The following VPS54 variants were observed in gnomAD, a reference collection of about 807,000 sequenced individuals.
VPS54 encodes VPS54 subunit of GARP complex.
In VPS54, 45 loss-of-function variants were observed where a neutral mutation model predicts 121.5. That is an observed-to-expected ratio of 0.37 (90% CI 0.29 to 0.47). The LOEUF (loss-of-function observed/expected upper bound fraction) is 0.47, where lower values mean the gene tolerates loss of function less well. VPS54 is among the 20% of genes least tolerant of loss of function. VPS54 has a pLI of 0.99. For synonymous variants in VPS54, 371 were observed against 385.8 expected, an observed-to-expected ratio of 0.96 and a Z score of 0.45; for missense variants, 1,090 against 1,131.4, an observed-to-expected ratio of 0.96 and a Z score of 0.52.
At chr2:63,953,144 T>G (rs1432764894) in intron 7 of VPS54, among the ~76,000 whole-genome samples, 5 of 148,072 alleles carry the variant, frequency 3.4e-5, no homozygotes, top group Non-Finnish European at 7.5e-5. Context: ...TTTTTTTTTT[T>G]TTTTTTAGAC....
At chr2:64,016,486 G>A (rs1346876389) in intron 1 of VPS54, among the ~76,000 whole-genome samples, 2 of 152,168 alleles carry the variant, frequency 1.3e-5, no homozygotes, top group Admixed American at 6.5e-5. Flanking sequence ...TGGGGGTGGG[G>A]TGAAGAGAAT....
chr2:63,983,791 T>G lies in VPS54; in HGVS notation c.136+73A>C, dbSNP rs2104619932. On this transcript the variant is annotated intron_variant, in intron 2 of 22. Transcript: ENST00000272322. ...AAAATTTACTCTTCTAACGTTGGTA[T>G]ATAAAACCTGACTACTCATTTAAAG... The G allele has an allele frequency of 2.0e-6, 3 of 1,499,704 alleles. No homozygotes were observed. In the East Asian group the frequency reaches 6.9e-5, roughly 35 times the overall value. 92.9% of individuals were successfully genotyped at this position (1,499,704 alleles called of 1,614,324 possible). A position where few individuals can be genotyped will look rare whatever the true frequency, so the allele number is the denominator to read the frequency against.
chr2:63,938,675 G>T (rs922996611), intron 11 of VPS54, among the ~76,000 whole-genome samples: 1 of 152,106 alleles, frequency 6.6e-6, no homozygotes, highest in African/African-American at 2.4e-5. Flanking sequence ...ATGTTGGCCC[G>T]GCTGGTCTCA....
At chr2:63,979,407 T>A (rs1293887753) in intron 3 of VPS54, among the ~76,000 whole-genome samples, 1 of 151,818 alleles carries the variant, frequency 6.6e-6, no homozygotes, top group African/African-American at 2.4e-5. Flanking sequence ...GCCTGGCTAA[T>A]TTTTTTGTAT....
chr2:63,949,092 T>G lies in VPS54; in HGVS notation c.1082A>C (p.Tyr361Ser). The G allele has an allele frequency of 6.2e-7, 1 of 1,611,930 alleles. No homozygotes were observed. The highest frequency in any genetic ancestry group is 1.1e-5 in the South Asian group (1 of 90,824). ...TGGTCTATTTAAGTCACTGTGAGAA[T>G]AAGTAGAAAATTCTGCAATCATCAT... ...DKMMIAEFST[Y>S]SHSDLNRPLE... Residue 361 changes from tyrosine (Y) to serine (S), a missense_variant, in exon 8 of 23, where the codon TAT (tyrosine) becomes TCT (serine). Physicochemically the swap from Tyr to Ser is moderately radical, Grantham distance 144. Coordinates refer to ENST00000272322, the MANE Select transcript of VPS54 (RefSeq NM_016516.3).
At chr2:63,920,929 A>T (rs59066671) in intron 13 of VPS54, among the ~76,000 whole-genome samples, 1 of 152,132 alleles carries the variant, frequency 6.6e-6, no homozygotes, top group Non-Finnish European at 1.5e-5. Flanking sequence ...GACTTACTAT[A>T]TATGTAAAAC....
intron 2 of VPS54, among the ~76,000 whole-genome samples, chr2:63,982,270 G>A (rs961746291): frequency 2.6e-5 from 4 of 151,194 alleles, no homozygotes; most frequent in Admixed American, 6.6e-5. Flanking sequence ...CTGTTTTTTA[G>A]AGGTAGGCCT....
At chr2:63,935,499 T>C (rs1268962495) in intron 11 of VPS54, among the ~76,000 whole-genome samples, 1 of 152,166 alleles carries the variant, frequency 6.6e-6, no homozygotes, top group Non-Finnish European at 1.5e-5. Flanking sequence ...TTTGCGTCTT[T>C]TTCCTTATCT....
chr2:63,942,268 T>TATATATATATTTTAA (rs1559009535), intron 11 of VPS54, among the ~76,000 whole-genome samples, 197 bp downstream of exon 11: 3 of 152,050 alleles, frequency 2.0e-5, no homozygotes, highest in Admixed American at 1.3e-4. Context: ...AGTTATAAAA[T>TATATATATATTTTAA]TATAACTTAT....
intron 18 of VPS54, among the ~76,000 whole-genome samples, chr2:63,912,972 A>T (rs968749165): frequency 2.6e-5 from 4 of 152,148 alleles, no homozygotes; most frequent in African/African-American, 9.6e-5. Flanking sequence ...TATACACATT[A>T]TATCTTAATA....
chr2:63,962,473 T>C, intron 6 of VPS54, 30 bp from the exon 7 acceptor site: 1 of 1,567,090 alleles, frequency 6.4e-7, no homozygotes, highest in Non-Finnish European at 8.6e-7. Context: ...AAATATGAAG[T>C]ACTATGAGCA....
chr2:63,970,919 T>C (rs1446587193), intron 4 of VPS54, among the ~76,000 whole-genome samples: 1 of 152,184 alleles, frequency 6.6e-6, no homozygotes, highest in Admixed American at 6.5e-5. Context: ...TGATGATGTC[T>C]ACCATACCTA....
chr2:64,002,093 G>A (rs1677909861), intron 1 of VPS54, among the ~76,000 whole-genome samples: 3 of 152,198 alleles, frequency 2.0e-5, no homozygotes, highest in Admixed American at 2.0e-4. Context: ...GGCATCAGCT[G>A]AGTTCACCCT....
In VPS54 at chr2:64,019,108, G is replaced by A. The variant is rs1214273931; in HGVS notation, c.-191C>T. ...CGCGCCCGCTGGCCAGTCGGCCCGG[G>A]GAGCACAGGGCCGCCCTCTCGAGCC... is the stretch of plus-strand genomic sequence containing the variant. On this transcript the variant is annotated 5_prime_UTR_variant, in exon 1 of 23. Transcript: ENST00000272322. The A allele has an allele frequency of 1.3e-5, 2 of 151,290 alleles. No homozygotes were observed. The highest frequency in any genetic ancestry group is 2.0e-4 in the East Asian group (1 of 5,122). 9.4% of individuals were successfully genotyped at this position (151,290 alleles called of 1,614,324 possible). A position where few individuals can be genotyped will look rare whatever the true frequency, so the allele number is the denominator to read the frequency against.
intron 11 of VPS54, among the ~76,000 whole-genome samples, chr2:63,938,059 G>GGTGTGTGTGTGTGTGTGTGTGTGT (rs1553475195): frequency 1.7e-4 from 24 of 140,478 alleles, no homozygotes; most frequent in African/African-American, 5.5e-4. Flanking sequence ...TGGTGTGTGT[G>GGTGTGTGTGTGTGTGTGTGTGTGT]GTGTGTGTGT....
In VPS54 at chr2:63,962,103, G is replaced by T; in HGVS notation, c.965C>A (p.Thr322Lys). 2 of 1,599,142 alleles carry T rather than the reference G, an allele frequency of 1.3e-6. No individual in the cohort carries two copies. The highest frequency in any genetic ancestry group is 1.7e-6 in the Non-Finnish European group (2 of 1,167,522). Reference sequence around the variant, plus strand: ...AAGTTCCTGCTGTAGAACCTCTTGTGTTGTTGCTATTAAGTCCAATGCTCC... The same window carrying T: ...AAGTTCCTGCTGTAGAACCTCTTGTTTTGTTGCTATTAAGTCCAATGCTCC... ...FVGALDLIAT[T>K]QEVLQQELQG... The change falls in exon 7 of 23, where the codon ACA becomes AAA. Residue 322 changes from threonine to lysine, a missense_variant. Physicochemically the swap from Thr to Lys is moderately conservative, Grantham distance 78 (BLOSUM62 -1). Transcript: ENST00000272322.
At chr2:64,001,799 T>C (rs1193221147) in intron 1 of VPS54, among the ~76,000 whole-genome samples, 2 of 151,974 alleles carry the variant, frequency 1.3e-5, no homozygotes, top group Non-Finnish European at 2.9e-5. Context: ...GGATATCTTT[T>C]AGAGCTGTGA....
rs1010714286 is a variant in VPS54, at chr2:63,974,150, T to C, written c.379-1906A>G. ...TGAATAGTGCAAGGTGGTATGTCTA[T>C]ATTCTTTCTCTTTGGTATGTGGATG... is the stretch of plus-strand genomic sequence containing the variant. On this transcript the variant is annotated intron_variant, in intron 3 of 22. Transcript: ENST00000272322. Among the ~76,000 whole-genome samples the C allele has an allele frequency of 3.3e-5, 5 of 152,240 alleles. No individual in the cohort carries two copies. The East Asian group carries it at 7.7e-4, about 23-fold the overall frequency.
intron 1 of VPS54, among the ~76,000 whole-genome samples, chr2:64,018,698 A>C (rs116257389): frequency 6.8e-6 from 1 of 146,710 alleles, no homozygotes; most frequent in Admixed American, 7.0e-5. Flanking sequence ...CGCTGACAGG[A>C]GGCAGGGAAC....
Sources: allele counts gnomAD v4.1 joint callset (sites outside exome capture counted in the v4.1 genomes callset), GRCh38; gene constraint gnomAD v4.1.1; transcripts MANE v1.5; gene names NCBI Gene and HGNC (gene_info 2026-07-23, HGNC 2026-07-21).